MAP2K5: variants seen among roughly 807,000 people sequenced by gnomAD.
MAP2K5 encodes the protein mitogen-activated protein kinase kinase 5, also known as dual specificity mitogen-activated protein kinase kinase 5.
MAP2K5 carries 49 observed loss-of-function variants against 83.1 expected under a neutral mutation model. The ratio of observed to expected loss-of-function variants is 0.59; its 90% confidence interval spans 0.47 to 0.75. The LOEUF is 0.75. Ranked by LOEUF, MAP2K5 falls within the 30% of genes least tolerant of loss-of-function variation. MAP2K5 has a pLI of 0.00. For missense variants in MAP2K5, 457 were observed against 557.5 expected, an observed-to-expected ratio of 0.82 and a Z score of 1.82; for synonymous variants, 202 against 191.8, an observed-to-expected ratio of 1.05 and a Z score of -0.44.
intron 13 of MAP2K5, among the ~76,000 whole-genome samples, chr15:67,687,375 A>G (rs140790871): frequency 6.6e-6 from 1 of 152,274 alleles, no homozygotes; most frequent in African/African-American, 2.4e-5. Flanking sequence ...CTTTATTAAA[A>G]GAAACATCCC....
At chr15:67,569,275 A>G (rs2084905684) in intron 3 of MAP2K5, among the ~76,000 whole-genome samples, 1 of 152,234 alleles carries the variant, frequency 6.6e-6, no homozygotes, top group Non-Finnish European at 1.5e-5. Context: ...CAGGTGGCAA[A>G]ATCAGTTCAG....
intron 8 of MAP2K5, among the ~76,000 whole-genome samples, chr15:67,621,434 GAAA>G (rs11449678): frequency 3.4e-5 from 4 of 118,990 alleles, no homozygotes; most frequent in African/African-American, 1.3e-4. Flanking sequence ...ACAAAAGTTT[GAAA>G]AAAAAAAAAA....
At chr15:67,684,704 A>G (rs1037377270) in intron 13 of MAP2K5, among the ~76,000 whole-genome samples, 1 of 152,230 alleles carries the variant, frequency 6.6e-6, no homozygotes, top group Non-Finnish European at 1.5e-5. Flanking sequence ...TATTATAAAA[A>G]CTATATATGT....
rs2086652791 is a variant in MAP2K5, at chr15:67,638,682, C to A, written c.586-7549C>A. Among the ~76,000 whole-genome samples the A allele has an allele frequency of 6.6e-6, 1 of 152,200 alleles. No individual in the cohort carries two copies. The highest frequency in any genetic ancestry group is 2.1e-4 in the South Asian group (1 of 4,828). On this transcript the variant is annotated intron_variant, in intron 9 of 21. Transcript: ENST00000178640. This position sits in a 1 kb window ranked among gnomAD's most constrained non-coding sequence, Gnocchi z 4.5. ...CACAATGGTTGAACTAATTTACACT[C>A]CTTCCAACAGTATATAAGCATTCCT...
At chr15:67,584,798 G>A (rs1202770745) in intron 4 of MAP2K5, among the ~76,000 whole-genome samples, 1 of 148,540 alleles carries the variant, frequency 6.7e-6, no homozygotes, top group Non-Finnish European at 1.5e-5. Flanking sequence ...CCTGCCTCAC[G>A]ACATTCTCCT....
At chr15:67,725,977 C>T (rs957673880) in intron 16 of MAP2K5, among the ~76,000 whole-genome samples, 7 of 152,154 alleles carry the variant, frequency 4.6e-5, no homozygotes, top group African/African-American at 1.7e-4. Context: ...CATAATCACA[C>T]AAAACTTCGA....
chr15:67,740,601 A>C (rs899695024), intron 17 of MAP2K5, among the ~76,000 whole-genome samples: 1 of 152,200 alleles, frequency 6.6e-6, no homozygotes, highest in Admixed American at 6.5e-5. Flanking sequence ...TCAACAAAAA[A>C]AAAAGTGTTT....
At chr15:67,667,701 A>G (rs2087418673) in intron 13 of MAP2K5, among the ~76,000 whole-genome samples, 1 of 152,200 alleles carries the variant, frequency 6.6e-6, no homozygotes, top group Non-Finnish European at 1.5e-5. Flanking sequence ...ATTTCAAAAG[A>G]TTAAGAAATG....
In MAP2K5 at chr15:67,543,127, C is replaced by T. The variant is rs2084326943; in HGVS notation, c.-209C>T. 1.7e-6 allele frequency: 1 copy of T among 591,316 alleles called. No individual in the cohort carries two copies. 36.6% of individuals were successfully genotyped at this position (591,316 alleles called of 1,614,324 possible). ...CCCGGTGCACCCTCCCCGGGAGACA[C>T]CTCAGACCCCCGACAGCCTGGGCAG... On this transcript the variant is annotated 5_prime_UTR_variant, in exon 1 of 22. Coordinates refer to ENST00000178640, the MANE Select transcript of MAP2K5 (RefSeq NM_145160.3). This position sits in a 1 kb window ranked among gnomAD's most constrained non-coding sequence, Gnocchi z 4.3.
chr15:67,546,670 A>G (rs922364209), intron 1 of MAP2K5: 32 of 940,904 alleles, frequency 3.4e-5, no homozygotes, highest in Non-Finnish European at 3.9e-5. Flanking sequence ...TGGGAAAACT[A>G]TACAAGAGGT....
rs530599195 is a variant in MAP2K5, at chr15:67,586,281, CTT to C, written c.363+352_363+353del. On this transcript the variant is annotated intron_variant, in intron 5 of 21. Transcript: ENST00000178640. ...GCATATTGCACATGGAATACCCTCTCTTGACATATTTATGCTAGAAACATATA... is the reference window on the plus strand; with the variant it reads ...GCATATTGCACATGGAATACCCTCTCGACATATTTATGCTAGAAACATATA... Among the ~76,000 whole-genome samples, 43 of 152,272 alleles carry C rather than the reference CTT, an allele frequency of 2.8e-4. No homozygotes were observed. The South Asian group carries it at 5.8e-3, about 21-fold the overall frequency.
chr15:67,579,723 A>G lies in MAP2K5; in HGVS notation c.253-1031A>G, dbSNP rs1205948190. ...GAAAAAAAAAACCCTTGCTCTTGTA[A>G]TAATTTTAATGTACATAAAAGCAAT... On this transcript the variant is annotated intron_variant, in intron 3 of 21. Coordinates refer to ENST00000178640, the MANE Select transcript of MAP2K5 (RefSeq NM_145160.3). Among the ~76,000 whole-genome samples, 11 of 152,168 alleles carry G rather than the reference A, an allele frequency of 7.2e-5. No individual in the cohort carries two copies. In the East Asian group the frequency reaches 1.9e-3, roughly 27 times the overall value.
chr15:67,549,144 G>A, intron 1 of MAP2K5: 13 of 1,535,662 alleles, frequency 8.5e-6, no homozygotes, highest in Non-Finnish European at 1.1e-5. Context: ...CTCCTGGAGA[G>A]AAATGAGGTT....
At position 67,708,252 on chromosome 15, in the gene MAP2K5, G is replaced by T. The variant is rs2088606515; in HGVS notation, c.1044+4844G>T. 6.6e-6 allele frequency among the ~76,000 whole-genome samples: 1 copy of T among 151,816 alleles called. No individual in the cohort carries two copies. The highest frequency in any genetic ancestry group is 1.5e-5 in the Non-Finnish European group (1 of 67,980). ...GCAGGAAAATTGCTAGAGCCTAGGAGTTTGAGGCTGCAGTGAGCTATGATT... is the reference window on the plus strand; with the variant it reads ...GCAGGAAAATTGCTAGAGCCTAGGATTTTGAGGCTGCAGTGAGCTATGATT... On this transcript the variant is annotated intron_variant, in intron 16 of 21. Coordinates refer to ENST00000178640, the MANE Select transcript of MAP2K5 (RefSeq NM_145160.3). This position sits in a 1 kb window ranked among gnomAD's most constrained non-coding sequence, Gnocchi z 4.9.
Position 67,779,015 on chromosome 15 carries a change from G to A in MAP2K5, c.1242+6263G>A, listed in dbSNP as rs1277902779. Among the ~76,000 whole-genome samples the A allele has an allele frequency of 6.6e-6, 1 of 152,208 alleles. No homozygotes were observed. Among genetic ancestry groups the A allele is most frequent in the Non-Finnish European group, 1.5e-5 (1 of 68,036 alleles). On this transcript the variant is annotated intron_variant, in intron 21 of 21. Coordinates refer to ENST00000178640, the MANE Select transcript of MAP2K5 (RefSeq NM_145160.3). This position sits in a 1 kb window ranked among gnomAD's most constrained non-coding sequence, Gnocchi z 4.6. ...ACCTTTAGGGCCAGACTCCTAATGT[G>A]TCTGGCCACTCATTCTTGTAAACAT...
chr15:67,732,725 T>A (rs1476796566), intron 17 of MAP2K5, among the ~76,000 whole-genome samples: 1 of 152,174 alleles, frequency 6.6e-6, no homozygotes, highest in Non-Finnish European at 1.5e-5. Context: ...TTGTTAATTT[T>A]CCCTGCTCCA....
At chr15:67,600,331 G>A (rs2085627044) in intron 7 of MAP2K5, among the ~76,000 whole-genome samples, 1 of 152,228 alleles carries the variant, frequency 6.6e-6, no homozygotes, top group South Asian at 2.1e-4. Context: ...GTTTGACTTT[G>A]GTTATGTGCA....
intron 12 of MAP2K5, among the ~76,000 whole-genome samples, chr15:67,662,150 C>G (rs1252657306): frequency 6.6e-6 from 1 of 152,108 alleles, no homozygotes; most frequent in Non-Finnish European, 1.5e-5. Flanking sequence ...GTTAGCAAAT[C>G]TTTCAGGAGC....
chr15:67,576,923 T>C (rs1220458441), intron 3 of MAP2K5, among the ~76,000 whole-genome samples: 1 of 131,324 alleles, frequency 7.6e-6, no homozygotes, highest in African/African-American at 2.9e-5. Flanking sequence ...TAACCCTATA[T>C]ATATATTTTT....
Sources: gnomAD v4.1 joint callset for allele counts (sites outside exome capture counted in the v4.1 genomes callset) on GRCh38, gnomAD v4.1.1 for gene constraint, Gnocchi (gnomAD v3.1) non-coding constraint, MANE v1.5 for transcripts, NCBI Gene and HGNC (gene_info 2026-07-23, HGNC 2026-07-21) for gene names.